The following PRKCE variants were observed in gnomAD, a reference collection of about 807,000 sequenced individuals.
The protein encoded by PRKCE is protein kinase C epsilon type.
In PRKCE, 16 loss-of-function variants were observed where a neutral mutation model predicts 85.4. The observed-to-expected ratio is 0.19, with a 90% CI of 0.13 to 0.28. PRKCE has a LOEUF of 0.28. Among genes scored for constraint, PRKCE ranks in the 10% least tolerant of loss-of-function variants. The pLI is 1.00. For synonymous variants in PRKCE, 388 were observed against 371.5 expected, an observed-to-expected ratio of 1.04 and a Z score of -0.51; for missense variants, 573 against 975.2, an observed-to-expected ratio of 0.59 and a Z score of 5.49.
At chr2:46,101,010 C>T (rs907802358) in intron 11 of PRKCE, among the ~76,000 whole-genome samples, 1 of 152,096 alleles carries the variant, frequency 6.6e-6, no homozygotes, top group East Asian at 1.9e-4. Context: ...GCTGGGATTA[C>T]AAGCACCCGC....
chr2:46,168,924 C>A lies in PRKCE; in HGVS notation c.2067+9172C>A, dbSNP rs996517008. Among the ~76,000 whole-genome samples the A allele has an allele frequency of 2.6e-5, 4 of 152,172 alleles. 1 individual carries two copies. The highest frequency in any genetic ancestry group is 2.6e-4 in the Admixed American group (4 of 15,286). Reference sequence around the variant, plus strand: ...AGCAATGCCCTCCTGCCTATCTCTGCGGAGAGGACTAAAGGATGGTCTGGC... The same window carrying A: ...AGCAATGCCCTCCTGCCTATCTCTGAGGAGAGGACTAAAGGATGGTCTGGC... On this transcript the variant is annotated intron_variant, in intron 14 of 14. Coordinates refer to ENST00000306156, the MANE Select transcript of PRKCE (RefSeq NM_005400.3).
chr2:45,927,662 G>C (rs1698732039), intron 2 of PRKCE, among the ~76,000 whole-genome samples: 1 of 152,190 alleles, frequency 6.6e-6, no homozygotes, highest in East Asian at 1.9e-4. Flanking sequence ...TTCATCTCCA[G>C]AACTGTAAAT....
chr2:46,004,213 GA>G lies in PRKCE; in HGVS notation c.967-327del, dbSNP rs1348626488. ...CCTTTATGGTGTCCTCGCACAACCC[GA>G]ACTACTTCATCCTTTTGGATGGGGT... On this transcript the variant is annotated intron_variant, in intron 7 of 14. Transcript: ENST00000306156. The surrounding 1 kb of genome is among the most constrained non-coding windows in gnomAD (Gnocchi z 4.1). 2.9e-6 allele frequency: 1 copy of G among 339,278 alleles called. No homozygotes were observed. The highest frequency in any genetic ancestry group is 2.1e-5 in the African/African-American group (1 of 46,792). The allele number at this position is 339,278 out of a possible 1,614,324, so 21.0% of individuals were successfully genotyped here. A position where few individuals can be genotyped will look rare whatever the true frequency, so the allele number is the denominator to read the frequency against.
intron 10 of PRKCE, among the ~76,000 whole-genome samples, chr2:46,017,848 C>G (rs1028655627): frequency 2.0e-5 from 3 of 152,194 alleles, no homozygotes; most frequent in African/African-American, 4.8e-5. Context: ...CCAGTCAAGT[C>G]TTATAATTTG....
chr2:45,732,995 C>T (rs976036276), intron 1 of PRKCE, among the ~76,000 whole-genome samples: 5 of 152,288 alleles, frequency 3.3e-5, no homozygotes, highest in Admixed American at 6.5e-5. Flanking sequence ...AGAGTCTCTG[C>T]GAAAACAACT....
chr2:46,086,766 T>C (rs1302728917), intron 11 of PRKCE, among the ~76,000 whole-genome samples: 1 of 152,182 alleles, frequency 6.6e-6, no homozygotes, highest in Non-Finnish European at 1.5e-5. Flanking sequence ...CTGAGTTTGT[T>C]TGGCTTAGTT....
At chr2:45,977,633 T>G (rs1369120408) in intron 3 of PRKCE, among the ~76,000 whole-genome samples, 1 of 139,440 alleles carries the variant, frequency 7.2e-6, no homozygotes, top group Non-Finnish European at 1.6e-5. Context: ...AGTGAGACTC[T>G]GTCTTAAAAA....
chr2:45,948,038 G>A (rs1417791703), intron 2 of PRKCE, among the ~76,000 whole-genome samples: 2 of 152,196 alleles, frequency 1.3e-5, no homozygotes, highest in African/African-American at 4.8e-5. Context: ...TCACCTACGT[G>A]AATGTCTTAT....
chr2:46,129,171 C>G (rs145857205), intron 11 of PRKCE, among the ~76,000 whole-genome samples: 161 of 152,262 alleles, frequency 1.1e-3, no homozygotes, highest in Non-Finnish European at 2.0e-3. Flanking sequence ...ATTCGAGGAG[C>G]TCCTCCACAT....
At chr2:46,170,679 G>A (rs1041433100) in intron 14 of PRKCE, among the ~76,000 whole-genome samples, 4 of 152,132 alleles carry the variant, frequency 2.6e-5, no homozygotes, top group East Asian at 1.9e-4. Flanking sequence ...GTATATGCCC[G>A]GGAATTTGGG....
intron 8 of PRKCE, among the ~76,000 whole-genome samples, chr2:46,005,387 C>T (rs1021283180): frequency 1.3e-5 from 2 of 152,162 alleles, no homozygotes; most frequent in African/African-American, 4.8e-5. Flanking sequence ...TATGCATCTG[C>T]AGAAGAGGAA....
In PRKCE at chr2:46,002,304, G is replaced by A. The variant is rs145426234; in HGVS notation, c.966+758G>A. 1.4e-4 allele frequency among the ~76,000 whole-genome samples: 21 copies of A among 152,350 alleles called. No individual in the cohort carries two copies. In the South Asian group the frequency reaches 3.1e-3, roughly 23 times the overall value. On this transcript the variant is annotated intron_variant, in intron 7 of 14. Coordinates refer to ENST00000306156, the MANE Select transcript of PRKCE (RefSeq NM_005400.3). ...ACCATGTTAACAGGGCAGAAAATCC[G>A]GGTGAAGGGTGCAGTGGGGCGTGGC...
At position 46,050,652 on chromosome 2, in the gene PRKCE, T is replaced by A. The variant is rs992577270; in HGVS notation, c.1438-35556T>A. On this transcript the variant is annotated intron_variant, in intron 10 of 14. Transcript: ENST00000306156. The stretch of plus-strand genomic sequence containing the variant: ...TTCCCAGCCAGCACTGGCCCCTTAA[T>A]GAGGTTCTAAAGGTAAAGGTATCTG... 2.0e-5 allele frequency among the ~76,000 whole-genome samples: 3 copies of A among 152,176 alleles called. 1 individual carries two copies. Among genetic ancestry groups the A allele is most frequent in the Admixed American group, 1.3e-4 (2 of 15,280 alleles).
intron 2 of PRKCE, among the ~76,000 whole-genome samples, chr2:45,954,852 T>C (rs1476274952): frequency 1.3e-5 from 2 of 152,164 alleles, no homozygotes; most frequent in Non-Finnish European, 2.9e-5. Context: ...AACACAGTGA[T>C]TGTGAGCTGT....
intron 2 of PRKCE, among the ~76,000 whole-genome samples, chr2:45,869,140 C>T (rs939250123): frequency 3.3e-5 from 5 of 152,090 alleles, no homozygotes; most frequent in African/African-American, 1.2e-4. Flanking sequence ...AATTTAGGAG[C>T]TGATAGAAAT....
chr2:45,817,515 A>T (rs1223524714), intron 1 of PRKCE, among the ~76,000 whole-genome samples: 7 of 142,888 alleles, frequency 4.9e-5, no homozygotes, highest in African/African-American at 1.8e-4. Context: ...AACACGGTGA[A>T]ACCCCGTCTC....
chr2:45,775,835 C>G (rs1037039103), intron 1 of PRKCE, among the ~76,000 whole-genome samples: 1 of 152,176 alleles, frequency 6.6e-6, no homozygotes, highest in Non-Finnish European at 1.5e-5. Flanking sequence ...GGTCTGTACC[C>G]CACCCCTGCT....
chr2:45,699,761 T>C (rs1191359814), intron 1 of PRKCE, among the ~76,000 whole-genome samples: 1 of 152,172 alleles, frequency 6.6e-6, no homozygotes, highest in Non-Finnish European at 1.5e-5. Flanking sequence ...AGTTGGGTCC[T>C]TAGAGAGCAG....
intron 13 of PRKCE, 88 bp downstream of exon 13, chr2:46,151,317 ACACACACT>A: frequency 9.2e-7 from 1 of 1,086,674 alleles, no homozygotes; most frequent in Non-Finnish European, 1.3e-6. Flanking sequence ...ACACACACAC[ACACACACT>A]CCCTTCTCCC....
Sources: allele counts gnomAD v4.1 joint callset (sites outside exome capture counted in the v4.1 genomes callset), GRCh38; gene constraint gnomAD v4.1.1; non-coding constraint Gnocchi (gnomAD v3.1); transcripts MANE v1.5; gene names NCBI Gene and HGNC (gene_info 2026-07-23, HGNC 2026-07-21).